Variants in PPP1R12C observed in about 807,000 individuals in gnomAD.
PPP1R12C encodes protein phosphatase 1 regulatory subunit 12C.
A neutral mutation model predicts 95.6 loss-of-function variants in PPP1R12C; 48 were observed. The observed-to-expected ratio is 0.50, with a 90% confidence interval of 0.40 to 0.64. PPP1R12C has a LOEUF of 0.64. Among genes scored for constraint, PPP1R12C ranks in the 30% least tolerant of loss-of-function variants. The probability of loss-of-function intolerance (pLI) is 0.00; values close to 1 mark genes in which losing one functional copy is unlikely to be tolerated. For missense variants in PPP1R12C, 1,057 were observed against 1,083.3 expected (o/e 0.98, Z 0.34); for synonymous variants, 480 against 460.8 (o/e 1.04, Z -0.53).
intron 9 of PPP1R12C, 105 bp from the exon 10 acceptor site, chr19:55,095,708 C>G: frequency 2.0e-6 from 3 of 1,511,826 alleles, no homozygotes; most frequent in Non-Finnish European, 2.7e-6. Context: ...CCATCAGCCC[C>G]CGGGGCAGGC....
In PPP1R12C at chr19:55,091,917, G is replaced by A. The variant is rs1269547137; in HGVS notation, c.2161-8C>T. 2 of 1,612,952 alleles carry A rather than the reference G, an allele frequency of 1.2e-6. No individual in the cohort carries two copies. The highest frequency in any genetic ancestry group is 2.2e-5 in the East Asian group (1 of 44,896). ...AGCGAAGCGTTCTTGCCTCTGGTGA[G>A]GACACAGAAAGCACAGGGGTCAGCA... On this transcript the variant is annotated splice_polypyrimidine_tract_variant and splice_region_variant and intron_variant, in intron 19 of 21. Transcript: ENST00000263433.
intron 1 of PPP1R12C, among the ~76,000 whole-genome samples, chr19:55,116,953 G>GT (rs1172430913): frequency 1.3e-5 from 2 of 152,212 alleles, no homozygotes; most frequent in African/African-American, 4.8e-5. Flanking sequence ...AAGAGAGTAG[G>GT]TCGAAGGGGA....
rs866828610 is a variant in PPP1R12C, at chr19:55,095,486, G to A, written c.1345C>T (p.Arg449Cys). ...TCCAGCCAGGAGGAGGAAGCCGAGC[G>A]CTGCAGCCCAGCCCCAGGGGCTCCC... Reference protein sequence around the residue: ...AEGAPGAGLQRSASSSWLEGT... With the variant: ...AEGAPGAGLQCSASSSWLEGT... Residue 449 changes from arginine (R) to cysteine (C), a missense_variant, in exon 10 of 22, where the codon CGC becomes TGC. Physicochemically the swap from Arg to Cys is radical, Grantham distance 180. Transcript: ENST00000263433. 1.5e-5 allele frequency: 24 copies of A among 1,566,780 alleles called. No homozygotes were observed. The highest frequency in any genetic ancestry group is 1.2e-4 in the East Asian group (5 of 42,162).
intron 3 of PPP1R12C, among the ~76,000 whole-genome samples, chr19:55,111,156 G>T (rs562209372): frequency 2.1e-5 from 3 of 142,380 alleles, no homozygotes; most frequent in African/African-American, 7.6e-5. Context: ...GGGGAGGGGG[G>T]GGTGCATGGT....
chr19:55,115,238 C>T (rs368329761), intron 1 of PPP1R12C: 15 of 152,226 alleles, frequency 9.9e-5, no homozygotes, highest in Admixed American at 3.9e-4. Flanking sequence ...ACGGACACCC[C>T]CCTCCTCACC....
intron 3 of PPP1R12C, among the ~76,000 whole-genome samples, chr19:55,104,252 A>T (rs2085012767): frequency 6.9e-6 from 1 of 145,332 alleles, no homozygotes. Flanking sequence ...TATATATATA[A>T]TATATATATA....
chr19:55,116,112 G>C (rs2085150708), intron 1 of PPP1R12C, among the ~76,000 whole-genome samples: 1 of 152,172 alleles, frequency 6.6e-6, no homozygotes, highest in Admixed American at 6.5e-5. Flanking sequence ...GGTGGCTAAA[G>C]CCAGGGAGAC....
Position 55,091,631 on chromosome 19 carries a change from C to CA in PPP1R12C, c.2262+18dup, listed in dbSNP as rs2084841869. 6.2e-7 allele frequency: 1 copy of CA among 1,606,838 alleles called. No individual in the cohort carries two copies. Among genetic ancestry groups the CA allele is most frequent in the Non-Finnish European group, 8.5e-7 (1 of 1,176,480 alleles). On this transcript the variant is annotated intron_variant, in intron 21 of 21. Coordinates refer to ENST00000263433, the MANE Select transcript of PPP1R12C (RefSeq NM_017607.4). ...CCACCCACCCTCGGCCCTCTGCCCA[C>CA]AGCCCCCACAGCCCCCACCTTCAGC... is the stretch of plus-strand genomic sequence containing the variant.
rs376518606 is a variant in PPP1R12C at position 55,099,146 on chromosome 19, G to A, written c.732-51C>T. 53 of 1,457,830 alleles carry A rather than the reference G, an allele frequency of 3.6e-5. No homozygotes were observed. The East Asian group carries it at 5.5e-4, about 15-fold the overall frequency. 90.3% of individuals were successfully genotyped at this position (1,457,830 alleles called of 1,614,324 possible). ...AGAGGCCAAGGCGGGGCCCTTGGCC[G>A]AGGGCTGATTTCGGCCAGCGGTTTG... On this transcript the variant is annotated intron_variant, in intron 4 of 21. Coordinates refer to ENST00000263433, the MANE Select transcript of PPP1R12C (RefSeq NM_017607.4).
intron 4 of PPP1R12C, among the ~76,000 whole-genome samples, chr19:55,100,859 G>C (rs2147193609): frequency 6.6e-6 from 1 of 152,212 alleles, no homozygotes; most frequent in Non-Finnish European, 1.5e-5. Flanking sequence ...TGATCCGCCT[G>C]CCTCGACCTC....
intron 3 of PPP1R12C, chr19:55,112,071 A>C: frequency 1.1e-5 from 2 of 174,424 alleles, no homozygotes; most frequent in Non-Finnish European, 1.2e-5. Context: ...GTCCCTGGCA[A>C]CCCCTGCATG....
At chr19:55,107,736 T>C (rs2085053911) in intron 3 of PPP1R12C, among the ~76,000 whole-genome samples, 1 of 151,240 alleles carries the variant, frequency 6.6e-6, no homozygotes, top group Non-Finnish European at 1.5e-5. Context: ...GAGATATACC[T>C]AATGTAAATG....
intron 6 of PPP1R12C, 84 bp downstream of exon 6, chr19:55,098,698 CGG>C (rs55805974): frequency 6.6e-7 from 1 of 1,523,192 alleles, no homozygotes; most frequent in Non-Finnish European, 9.0e-7. Flanking sequence ...TGTCAGAAGT[CGG>C]GGGGGTTCCC....
rs10409378 is a variant in PPP1R12C, at chr19:55,092,033, C to A, written c.2161-124G>T. ...GCCCACAAGCCCTTCCCCCACGGGC[C>A]AGGCCCCGCCACCGGCAGGCCCACA... On this transcript the variant is annotated intron_variant, in intron 19 of 21. Transcript: ENST00000263433. 4 of 1,285,728 alleles carry A rather than the reference C, an allele frequency of 3.1e-6. No homozygotes were observed. The Admixed American group carries it at 5.8e-5, about 19-fold the overall frequency. 79.6% of individuals were successfully genotyped at this position (1,285,728 alleles called of 1,614,324 possible).
At chr19:55,104,199 T>TACACAC (rs1555850741) in intron 3 of PPP1R12C, among the ~76,000 whole-genome samples, 51 of 119,972 alleles carry the variant, frequency 4.3e-4, no homozygotes, top group Middle Eastern at 9.4e-3. Flanking sequence ...TATATATATA[T>TACACAC]ACACACACAC....
At chr19:55,100,448 C>T (rs774757307) in intron 4 of PPP1R12C, among the ~76,000 whole-genome samples, 1 of 152,250 alleles carries the variant, frequency 6.6e-6, no homozygotes, top group Non-Finnish European at 1.5e-5. Flanking sequence ...TGTCTCCCCA[C>T]GAGGCTATGA....
chr19:55,094,521 T>G, intron 12 of PPP1R12C, 86 bp from the exon 13 acceptor site: 1 of 1,590,922 alleles, frequency 6.3e-7, no homozygotes, highest in Non-Finnish European at 8.6e-7. Flanking sequence ...AAGCAAGTTC[T>G]GTGGGAGGGG....
intron 6 of PPP1R12C, among the ~76,000 whole-genome samples, chr19:55,097,721 C>G (rs2084938191): frequency 6.6e-6 from 1 of 152,200 alleles, no homozygotes. Context: ...ACTGGGAGGG[C>G]CCTTCATTCC....
At chr19:55,113,297 G>A (rs1568821366) in intron 1 of PPP1R12C, 1 of 902,570 alleles carries the variant, frequency 1.1e-6, no homozygotes, top group Non-Finnish European at 1.6e-6. Context: ...GAAGCCGTGG[G>A]CCCAGGGCTA....
Sources: gnomAD v4.1 joint callset for allele counts (sites outside exome capture counted in the v4.1 genomes callset) on GRCh38, gnomAD v4.1.1 for gene constraint, MANE v1.5 for transcripts, NCBI Gene and HGNC (gene_info 2026-07-23, HGNC 2026-07-21) for gene names.